The following THEM4 variants were observed in gnomAD, a reference collection of about 807,000 sequenced individuals.
THEM4 encodes acyl-coenzyme A thioesterase THEM4.
A neutral mutation model predicts 25.0 loss-of-function variants in THEM4; 22 were observed. The ratio of observed to expected loss-of-function variants is 0.88; its 90% CI spans 0.63 to 1.26. The LOEUF is 1.26. Among genes scored for constraint, THEM4 ranks in the 50% most tolerant of loss-of-function variants. The pLI is 0.00. For missense variants in THEM4, 286 were observed against 300.3 expected (o/e 0.95, Z 0.35); for synonymous variants, 113 against 105.6 (o/e 1.07, Z -0.43).
chr1:151,873,016 A>AT lies in THEM4; in HGVS notation c.*1871_*1872insA, dbSNP rs2101712264. Among the ~76,000 whole-genome samples, 1 of 152,274 alleles carries AT rather than the reference A, an allele frequency of 6.6e-6. No homozygotes were observed. Among genetic ancestry groups the AT allele is most frequent in the Admixed American group, 6.5e-5 (1 of 15,298 alleles). Reference sequence around the variant, plus strand: ...CTGTCTCCTGCATGCCCCTGGGAACAGCATGTCTTGGTGTAAAACCCGATC... The same window carrying AT: ...CTGTCTCCTGCATGCCCCTGGGAACATGCATGTCTTGGTGTAAAACCCGATC... On this transcript the variant is annotated 3_prime_UTR_variant, in exon 6 of 6. Transcript: ENST00000368814.
intron 1 of THEM4, among the ~76,000 whole-genome samples, chr1:151,896,283 T>C (rs1166244575): frequency 2.0e-5 from 3 of 152,126 alleles, no homozygotes; most frequent in Non-Finnish European, 4.4e-5. Flanking sequence ...AGTGAGCCAC[T>C]GTGCCCGGCT....
chr1:151,893,383 C>CAAAAAAA (rs5777789), intron 2 of THEM4, among the ~76,000 whole-genome samples: 29 of 139,466 alleles, frequency 2.1e-4, no homozygotes, highest in Non-Finnish European at 3.6e-4. Context: ...AAACCAAAAA[C>CAAAAAAA]AAAAAAAACA....
At position 151,908,323 on chromosome 1, in the gene THEM4, T is replaced by C. The variant is rs188217534; in HGVS notation, c.99+1037A>G. Among the ~76,000 whole-genome samples, 492 of 152,350 alleles carry C rather than the reference T, an allele frequency of 3.2e-3. 3 individuals are homozygous for C. The highest frequency in any genetic ancestry group is 0.011 in the African/African-American group (470 of 41,582). On this transcript the variant is annotated intron_variant, in intron 1 of 5. Transcript: ENST00000368814. ...CTGTATGCTCCACAGCAAACTTCGCTGCAGGCCTCCATCTTGTTTTACGTC... is the reference window on the plus strand; with the variant it reads ...CTGTATGCTCCACAGCAAACTTCGCCGCAGGCCTCCATCTTGTTTTACGTC...
At chr1:151,908,809 A>G (rs1232464747) in intron 1 of THEM4, among the ~76,000 whole-genome samples, 2 of 152,202 alleles carry the variant, frequency 1.3e-5, no homozygotes, top group Non-Finnish European at 2.9e-5. Context: ...AACCCCAGGA[A>G]TTAAAAGCAG....
At chr1:151,896,183 G>A (rs1654220502) in intron 1 of THEM4, among the ~76,000 whole-genome samples, 1 of 151,866 alleles carries the variant, frequency 6.6e-6, no homozygotes, top group African/African-American at 2.4e-5. Flanking sequence ...TAGTAGGGAT[G>A]AGGTTTCACC....
Position 151,874,717 on chromosome 1 carries a change from A to C in THEM4, c.*171T>G, listed in dbSNP as rs11204907. The C allele has an allele frequency of 0.31, 218,986 of 697,070 alleles. 39,163 individuals carry two copies. The highest frequency in any genetic ancestry group is 0.38 in the Non-Finnish European group (147,927 of 391,696). 43.2% of individuals were successfully genotyped at this position (697,070 alleles called of 1,614,324 possible). A position where few individuals can be genotyped will look rare whatever the true frequency, so the allele number is the denominator to read the frequency against. ...CTCGCAGGAAGTATTTCTGTGTTAA[A>C]AAGTTGAGAAGATGGAAACTGAATC... On this transcript the variant is annotated 3_prime_UTR_variant, in exon 6 of 6. Transcript: ENST00000368814.
At chr1:151,881,407 A>C (rs1653810128) in intron 4 of THEM4, among the ~76,000 whole-genome samples, 2 of 152,192 alleles carry the variant, frequency 1.3e-5, no homozygotes, top group African/African-American at 2.4e-5. Context: ...TTTACCAATT[A>C]ATTTGCTCAT....
At chr1:151,881,920 T>C (rs1347973083) in intron 4 of THEM4, among the ~76,000 whole-genome samples, 1 of 152,230 alleles carries the variant, frequency 6.6e-6, no homozygotes, top group African/African-American at 2.4e-5. Context: ...CTCTTTATTC[T>C]ATTTTTCTAG....
rs955080611 is a variant in THEM4 at position 151,871,964 on chromosome 1, A to G, written c.*2924T>C. 1.3e-5 allele frequency among the ~76,000 whole-genome samples: 2 copies of G among 152,220 alleles called. No homozygotes were observed. The highest frequency in any genetic ancestry group is 4.8e-5 in the African/African-American group (2 of 41,442). Reference sequence around the variant, plus strand: ...AGTCATATTTTTTAACATGTGAAATATAATTATTGTAAGAGTCCACTCTCT... The same window carrying G: ...AGTCATATTTTTTAACATGTGAAATGTAATTATTGTAAGAGTCCACTCTCT... On this transcript the variant is annotated 3_prime_UTR_variant, in exon 6 of 6. Coordinates refer to ENST00000368814, the MANE Select transcript of THEM4 (RefSeq NM_053055.5).
intron 2 of THEM4, among the ~76,000 whole-genome samples, chr1:151,893,773 A>G (rs1654148714): frequency 6.6e-6 from 1 of 152,166 alleles, no homozygotes; most frequent in Non-Finnish European, 1.5e-5. Context: ...AAGGCAGAAA[A>G]TACTCATCCA....
chr1:151,889,001 A>T (rs1352654), intron 3 of THEM4, among the ~76,000 whole-genome samples: 1 of 152,018 alleles, frequency 6.6e-6, no homozygotes, highest in Non-Finnish European at 1.5e-5. Flanking sequence ...ATGCCCTATA[A>T]TATTATAATG....
chr1:151,872,314 C>T lies in THEM4; in HGVS notation c.*2574G>A, dbSNP rs1037646368. Among the ~76,000 whole-genome samples, 5 of 152,166 alleles carry T rather than the reference C, an allele frequency of 3.3e-5. No homozygotes were observed. The highest frequency in any genetic ancestry group is 1.2e-4 in the African/African-American group (5 of 41,446). On this transcript the variant is annotated 3_prime_UTR_variant, in exon 6 of 6. Coordinates refer to ENST00000368814, the MANE Select transcript of THEM4 (RefSeq NM_053055.5). ...GTGGAAGGATGACTGGGTAGGGTAC[C>T]ACAAGGCTGTCCCTAAGTTATTAGG...
chr1:151,884,688 T>TC (rs869105651), intron 4 of THEM4, among the ~76,000 whole-genome samples: 1 of 1,814 alleles, frequency 5.5e-4, no homozygotes, highest in South Asian at 0.029. Flanking sequence ...CTTTTTTTTG[T>TC]TTTTTTTTTG....
At chr1:151,904,711 T>C (rs1348561793) in intron 1 of THEM4, among the ~76,000 whole-genome samples, 1 of 152,158 alleles carries the variant, frequency 6.6e-6, no homozygotes, top group Non-Finnish European at 1.5e-5. Context: ...AGTTTTAAGA[T>C]ATTTAGGACA....
chr1:151,907,288 G>A (rs1057510591), intron 1 of THEM4, among the ~76,000 whole-genome samples: 5 of 152,126 alleles, frequency 3.3e-5, no homozygotes, highest in African/African-American at 7.2e-5. Flanking sequence ...AACAAACGCC[G>A]GACATGCCGC....
At chr1:151,905,196 C>T (rs1654430725) in intron 1 of THEM4, among the ~76,000 whole-genome samples, 1 of 152,182 alleles carries the variant, frequency 6.6e-6, no homozygotes, top group Non-Finnish European at 1.5e-5. Context: ...AGGGTGGAGC[C>T]ACAGAAGTTC....
chr1:151,886,824 C>T (rs1186453651), intron 4 of THEM4, among the ~76,000 whole-genome samples: 1 of 152,176 alleles, frequency 6.6e-6, no homozygotes, highest in Non-Finnish European at 1.5e-5. Context: ...AAGACTAAAA[C>T]CTTTTCATTT....
intron 1 of THEM4, among the ~76,000 whole-genome samples, chr1:151,899,230 C>T (rs1345529352): frequency 6.6e-6 from 1 of 152,176 alleles, no homozygotes. Context: ...TGGTGACTCA[C>T]GCCTGTAATC....
chr1:151,879,272 A>G (rs1271688550), intron 4 of THEM4, among the ~76,000 whole-genome samples: 1 of 152,198 alleles, frequency 6.6e-6, no homozygotes, highest in Non-Finnish European at 1.5e-5. Flanking sequence ...CAATCACTTC[A>G]TGGGGTTACC....
Sources: gnomAD v4.1 joint callset for allele counts (sites outside exome capture counted in the v4.1 genomes callset) on GRCh38, gnomAD v4.1.1 for gene constraint, MANE v1.5 for transcripts, NCBI Gene and HGNC (gene_info 2026-07-23, HGNC 2026-07-21) for gene names.